Variants in AKT3 observed in about 807,000 individuals in gnomAD.
AKT3 encodes the protein AKT serine/threonine kinase 3, also known as RAC-gamma serine/threonine-protein kinase.
AKT3 carries 15 observed loss-of-function variants against 65.3 expected under a neutral mutation model. The observed-to-expected ratio is 0.23, with a 90% CI of 0.15 to 0.35. The LOEUF (loss-of-function observed/expected upper bound fraction) is 0.35. Among genes scored for constraint, AKT3 ranks in the 10% least tolerant of loss-of-function variants. The pLI is 1.00. For missense variants in AKT3, 243 were observed against 576.5 expected (o/e 0.42, Z 5.92); for synonymous variants, 206 against 183.8 (o/e 1.12, Z -0.98).
Position 243,815,086 on chromosome 1 carries a change from T to A in AKT3, c.46+28039A>T, listed in dbSNP as rs147517843. On this transcript the variant is annotated intron_variant, in intron 2 of 13. Transcript: ENST00000673466. ...TTTCCCATGAGGGTCCTAGATTGGA[T>A]CTTTTCTAGAACCCATTTCTTAATT... is the stretch of plus-strand genomic sequence containing the variant. 1.5e-3 allele frequency among the ~76,000 whole-genome samples: 225 copies of A among 152,328 alleles called. 1 individual carries two copies. The highest frequency in any genetic ancestry group is 5.2e-3 in the African/African-American group (218 of 41,576).
At chr1:243,743,197 A>G (rs1418059045) in intron 2 of AKT3, among the ~76,000 whole-genome samples, 2 of 152,212 alleles carry the variant, frequency 1.3e-5, no homozygotes, top group African/African-American at 2.4e-5. Flanking sequence ...GTGTTCAATG[A>G]TAAGGTTGTA....
intron 6 of AKT3, among the ~76,000 whole-genome samples, chr1:243,633,373 TAA>T (rs1473122359): frequency 6.6e-6 from 1 of 152,188 alleles, no homozygotes; most frequent in African/African-American, 2.4e-5. Flanking sequence ...AGTATTACTG[TAA>T]GTTTGTGTTG....
chr1:243,719,790 G>C (rs563129701), intron 2 of AKT3, among the ~76,000 whole-genome samples: 1 of 152,098 alleles, frequency 6.6e-6, no homozygotes, highest in African/African-American at 2.4e-5. Flanking sequence ...GGAGGCATGC[G>C]TTAATTCTGC....
intron 8 of AKT3, among the ~76,000 whole-genome samples, chr1:243,597,180 A>G (rs768702567): frequency 3.9e-5 from 6 of 152,244 alleles, no homozygotes; most frequent in Non-Finnish European, 8.8e-5. Flanking sequence ...ATCTAATCAT[A>G]TACTTAAAAT....
chr1:243,850,776 G>GC (rs1695751991), upstream of AKT3, among the ~76,000 whole-genome samples: 3 of 151,030 alleles, frequency 2.0e-5, no homozygotes, highest in East Asian at 3.9e-4. Context: ...GGTGCCCCGC[G>GC]CCCCCTCTCC....
At chr1:243,837,025 C>T (rs182522915) in intron 2 of AKT3, among the ~76,000 whole-genome samples, 6 of 151,438 alleles carry the variant, frequency 4.0e-5, no homozygotes, top group African/African-American at 7.3e-5. Flanking sequence ...AAGGAGATAT[C>T]GCTAAGATCT....
chr1:243,802,588 A>G (rs1366094461), intron 2 of AKT3, among the ~76,000 whole-genome samples: 1 of 152,126 alleles, frequency 6.6e-6, no homozygotes, highest in Non-Finnish European at 1.5e-5. Flanking sequence ...AAGATCATTA[A>G]TTTTCCTACA....
intron 2 of AKT3, among the ~76,000 whole-genome samples, chr1:243,835,301 G>C (rs1173176978): frequency 2.0e-5 from 3 of 152,134 alleles, no homozygotes; most frequent in Non-Finnish European, 4.4e-5. Context: ...TTGTACTTTA[G>C]AGAGTATACA....
At chr1:243,715,934 A>G (rs1686487205) in intron 2 of AKT3, among the ~76,000 whole-genome samples, 2 of 152,082 alleles carry the variant, frequency 1.3e-5, no homozygotes, top group South Asian at 4.1e-4. Context: ...CAGAATAATG[A>G]TGGCTTTGTC....
At chr1:243,828,248 G>A (rs923162670) in intron 2 of AKT3, among the ~76,000 whole-genome samples, 14 of 152,068 alleles carry the variant, frequency 9.2e-5, no homozygotes, top group Non-Finnish European at 2.9e-5. Flanking sequence ...TCTGATAAGA[G>A]CTAATCACAC....
intron 4 of AKT3, among the ~76,000 whole-genome samples, chr1:243,659,458 G>C (rs191405578): frequency 4.1e-4 from 47 of 115,236 alleles, no homozygotes; most frequent in Non-Finnish European, 8.3e-4. Flanking sequence ...ATGTAGCTAA[G>C]AACATTTTTG....
chr1:243,676,285 G>C (rs1339130570), intron 3 of AKT3, among the ~76,000 whole-genome samples: 1 of 152,204 alleles, frequency 6.6e-6, no homozygotes, highest in Non-Finnish European at 1.5e-5. Context: ...CAGACTCACA[G>C]CTGGAGGGAT....
downstream of AKT3, among the ~76,000 whole-genome samples, chr1:243,499,455 G>C (rs2148330025): frequency 6.6e-6 from 1 of 152,360 alleles, no homozygotes; most frequent in South Asian, 2.1e-4. Context: ...GGACAGAAGA[G>C]ATGGCTCTCT....
chr1:243,726,250 T>C (rs1687203542), intron 2 of AKT3, among the ~76,000 whole-genome samples: 3 of 152,190 alleles, frequency 2.0e-5, no homozygotes, highest in Admixed American at 2.0e-4. Flanking sequence ...GCAGATAATA[T>C]CAGAACAAGA....
intron 9 of AKT3, among the ~76,000 whole-genome samples, chr1:243,566,435 C>T (rs970971588): frequency 1.3e-5 from 2 of 152,064 alleles, no homozygotes; most frequent in Non-Finnish European, 2.9e-5. Flanking sequence ...CAGCTGGTTA[C>T]CCTACTTGTT....
At chr1:243,649,766 G>A (rs1246671043) in intron 4 of AKT3, among the ~76,000 whole-genome samples, 1 of 152,146 alleles carries the variant, frequency 6.6e-6, no homozygotes, top group Non-Finnish European at 1.5e-5. Context: ...TGGCTGCATA[G>A]TATTCCATGG....
intron 4 of AKT3, among the ~76,000 whole-genome samples, chr1:243,658,465 A>G (rs1681993045): frequency 6.6e-6 from 1 of 152,208 alleles, no homozygotes; most frequent in Non-Finnish European, 1.5e-5. Context: ...TAAAAAATAA[A>G]TAAGTAAGTG....
At chr1:243,799,582 C>T (rs980568283) in intron 2 of AKT3, among the ~76,000 whole-genome samples, 1 of 151,982 alleles carries the variant, frequency 6.6e-6, no homozygotes, top group East Asian at 1.9e-4. Flanking sequence ...AGAGAGACAG[C>T]GAAGTTAAGA....
intron 6 of AKT3, among the ~76,000 whole-genome samples, chr1:243,616,178 T>C (rs1229423638): frequency 6.6e-6 from 1 of 151,854 alleles, no homozygotes; most frequent in Non-Finnish European, 1.5e-5. Flanking sequence ...CTGTACCCAA[T>C]GTGTAGTCTT....
Sources: allele counts gnomAD v4.1 joint callset (sites outside exome capture counted in the v4.1 genomes callset), GRCh38; gene constraint gnomAD v4.1.1; transcripts MANE v1.5; gene names NCBI Gene and HGNC (gene_info 2026-07-23, HGNC 2026-07-21).